The following HROB variants were observed in gnomAD, a reference collection of about 807,000 sequenced individuals.
HROB encodes homologous recombination OB-fold protein.
A neutral mutation model predicts 61.0 loss-of-function variants in HROB; 44 were observed. The observed-to-expected ratio is 0.72, with a 90% CI of 0.57 to 0.93. The LOEUF (loss-of-function observed/expected upper bound fraction) is 0.93. Ranked by LOEUF, HROB falls within the 40% of genes least tolerant of loss-of-function variation. The probability of loss-of-function intolerance (pLI) is 0.00; values close to 1 mark genes in which losing one functional copy is unlikely to be tolerated. For synonymous variants in HROB, 301 were observed against 310.4 expected (o/e 0.97, Z 0.32); for missense variants, 716 against 796.2 (o/e 0.90, Z 1.21).
intron 3 of HROB, among the ~76,000 whole-genome samples, chr17:44,149,298 GA>G: frequency 6.6e-6 from 1 of 151,648 alleles, no homozygotes; most frequent in Non-Finnish European, 1.5e-5. Flanking sequence ...ATCCAGGCTG[GA>G]GTGCAGTGGC....
At chr17:44,158,801 A>T (rs1172663974) in intron 9 of HROB, among the ~76,000 whole-genome samples, 1 of 152,032 alleles carries the variant, frequency 6.6e-6, no homozygotes, top group Non-Finnish European at 1.5e-5. Context: ...GCCCGCCACC[A>T]TGCCCAGCTA....
At chr17:44,160,343 G>A (rs1300647458) in intron 9 of HROB, among the ~76,000 whole-genome samples, 4 of 152,158 alleles carry the variant, frequency 2.6e-5, no homozygotes, top group Non-Finnish European at 5.9e-5. Context: ...CAAGGTGGGC[G>A]GATCACGAGG....
chr17:44,142,246 C>G, intron 1 of HROB, 101 bp downstream of exon 1: 1 of 1,350,478 alleles, frequency 7.4e-7, no homozygotes, highest in South Asian at 1.6e-5. Context: ...AGTTGCAGGA[C>G]CGGGGTCTGG....
chr17:44,148,449 G>A lies in HROB; in HGVS notation c.646G>A (p.Ala216Thr). 5.6e-6 allele frequency: 9 copies of A among 1,614,106 alleles called. No homozygotes were observed. The highest frequency in any genetic ancestry group is 2.2e-5 in the South Asian group (2 of 91,076). The stretch of plus-strand genomic sequence containing the variant: ...ATCTTGCCAGAAGGGGCCTGTGCCT[G>A]CCATCCACAAAGCGGGTATCATGTC... ...SGSCQKGPVP[A>T]IHKAGIMSAQ... The change falls in exon 3 of 10, where the codon GCC (alanine) becomes ACC (threonine). Residue 216 changes from alanine (A) to threonine (T), a missense_variant. Transcript: ENST00000585683.
Position 44,148,377 on chromosome 17 carries a change from G to A in HROB, c.574G>A (p.Glu192Lys). 1 of 1,614,136 alleles carries A rather than the reference G, an allele frequency of 6.2e-7. No homozygotes were observed. The highest frequency in any genetic ancestry group is 8.5e-7 in the Non-Finnish European group (1 of 1,179,988). The change falls in exon 3 of 10, where the codon GAG (glutamate) becomes AAG (lysine). Residue 192 changes from glutamate (E) to lysine (K), a missense_variant. Physicochemically the swap from Glu to Lys is moderately conservative, Grantham distance 56 (BLOSUM62 1). Transcript: ENST00000585683. ...ACCAATCCTGCCTGCCCAGCAGCGGGAGGGTTCAGTATTGGCTAAAAAAGC... is the reference window on the plus strand; with the variant it reads ...ACCAATCCTGCCTGCCCAGCAGCGGAAGGGTTCAGTATTGGCTAAAAAAGC... ...AIPILPAQQR[E>K]GSVLAKKARV...
chr17:44,152,708 G>T lies in HROB; in HGVS notation c.1380G>T (p.Thr460=). The T allele has an allele frequency of 1.9e-6, 3 of 1,614,166 alleles. No homozygotes were observed. Among genetic ancestry groups the T allele is most frequent in the Non-Finnish European group, 2.5e-6 (3 of 1,180,024 alleles). ...GGCCCTGGCTGACCATGAAATCCACGCTAGGCCTGGATGAGAGAGACCCTA... is the reference window on the plus strand; with the variant it reads ...GGCCCTGGCTGACCATGAAATCCACTCTAGGCCTGGATGAGAGAGACCCTA... ...GRGPWLTMKS[T]LGLDERDPSC... is the part of the protein sequence containing the mutation. Residue 460 remains threonine (T), a synonymous_variant, in exon 5 of 10, where the codon ACG becomes ACT. Transcript: ENST00000585683.
rs2053658606 is a variant in HROB at position 44,147,866 on chromosome 17, G to A, written c.63G>A (p.Leu21=). The change falls in exon 3 of 10, where the codon TTG becomes TTA. Residue 21 remains leucine (L), a synonymous_variant. Coordinates refer to ENST00000585683, the MANE Select transcript of HROB (RefSeq NM_001171251.3). ...VEEEFEDEDF[L]SAVEDAENRF... Reference sequence around the variant, plus strand: ...TCTCTGCTTCCTTGTAGGATTTCTTGTCTGCTGTGGAGGATGCAGAGAACC... The same window carrying A: ...TCTCTGCTTCCTTGTAGGATTTCTTATCTGCTGTGGAGGATGCAGAGAACC... 1 of 1,609,568 alleles carries A rather than the reference G, an allele frequency of 6.2e-7. No individual in the cohort carries two copies. The highest frequency in any genetic ancestry group is 1.3e-5 in the African/African-American group (1 of 74,912).
In HROB at chr17:44,154,561, C is replaced by T; in HGVS notation, c.1455C>T (p.Ala485=). 1 of 1,614,068 alleles carries T rather than the reference C, an allele frequency of 6.2e-7. No homozygotes were observed. Among genetic ancestry groups the T allele is most frequent in the Non-Finnish European group, 8.5e-7 (1 of 1,180,014 alleles). Residue 485 remains alanine (A), a synonymous_variant, in exon 6 of 10, where the codon GCC becomes GCT. Transcript: ENST00000585683. ...YSIVMVLRKA[A]LKQLPRNKVP... ...ATGCCTCTCCTTGTAAGCAGGCAGC[C>T]CTGAAGCAGCTTCCTAGGAACAAGG...
intron 9 of HROB, among the ~76,000 whole-genome samples, chr17:44,159,841 G>A (rs2054081347): frequency 6.6e-6 from 1 of 152,212 alleles, no homozygotes; most frequent in Non-Finnish European, 1.5e-5. Context: ...AGGTATACAG[G>A]CGGAACATGA....
intron 2 of HROB, among the ~76,000 whole-genome samples, chr17:44,147,431 T>G (rs372880678): frequency 1.4e-5 from 2 of 139,770 alleles, no homozygotes; most frequent in African/African-American, 5.8e-5. Context: ...CTTTTTCTTT[T>G]CTTTCTTTTT....
intron 5 of HROB, among the ~76,000 whole-genome samples, chr17:44,153,114 C>T (rs1463718343): frequency 1.3e-5 from 2 of 152,162 alleles, no homozygotes; most frequent in African/African-American, 4.8e-5. Flanking sequence ...ATATCCCTGC[C>T]TGTGACTGTT....
In HROB at chr17:44,154,857, G is replaced by C; in HGVS notation, c.1563G>C (p.Glu521Asp). ...TGGGCCATGTGGTATTTGCAGGAGAGATGCAGGGGACGGTGCACAGGTTGC... is the reference window on the plus strand; with the variant it reads ...TGGGCCATGTGGTATTTGCAGGAGACATGCAGGGGACGGTGCACAGGTTGC... ...ASVVFKDPTG[E>D]MQGTVHRLLL... is the part of the protein sequence containing the mutation. The change falls in exon 7 of 10, where the codon GAG (glutamate) becomes GAC (aspartate). Residue 521 changes from glutamate (E) to aspartate (D), a missense_variant. Physicochemically the swap from Glu to Asp is conservative, Grantham distance 45 (BLOSUM62 2). Transcript: ENST00000585683. 6.2e-7 allele frequency: 1 copy of C among 1,614,086 alleles called. No individual in the cohort carries two copies. Among genetic ancestry groups the C allele is most frequent in the Non-Finnish European group, 8.5e-7 (1 of 1,180,008 alleles).
chr17:44,150,519 A>G (rs1007308380), intron 3 of HROB, among the ~76,000 whole-genome samples: 2 of 151,704 alleles, frequency 1.3e-5, no homozygotes, highest in African/African-American at 4.8e-5. Flanking sequence ...CCTTCCAAGT[A>G]GCTGGCATTA....
In HROB at chr17:44,160,774, T is replaced by C. The variant is rs559823239; in HGVS notation, c.1880-1097T>C. Among the ~76,000 whole-genome samples the C allele has an allele frequency of 3.3e-5, 5 of 152,332 alleles. No individual in the cohort carries two copies. In the South Asian group the frequency reaches 1.0e-3, roughly 32 times the overall value. On this transcript the variant is annotated intron_variant, in intron 9 of 9. Coordinates refer to ENST00000585683, the MANE Select transcript of HROB (RefSeq NM_001171251.3). ...CCAATGGATAAACCACAAAGGCCAT[T>C]ATATCTTGTGAAAAAGCATATGTCT...
chr17:44,157,409 T>TC (rs1226032735), intron 8 of HROB, among the ~76,000 whole-genome samples: 2 of 106,944 alleles, frequency 1.9e-5, no homozygotes, highest in African/African-American at 7.3e-5. Context: ...ATGTTTCTTT[T>TC]TTTTTTTTTT....
chr17:44,158,726 A>G (rs900400635), intron 9 of HROB, among the ~76,000 whole-genome samples: 3 of 151,608 alleles, frequency 2.0e-5, no homozygotes, highest in Non-Finnish European at 4.4e-5. Context: ...GCTCACTGCA[A>G]GCTCCGCCTC....
At position 44,150,535 on chromosome 17, in the gene HROB, A is replaced by G. The variant is rs569427285; in HGVS notation, c.1225-426A>G. Among the ~76,000 whole-genome samples the G allele has an allele frequency of 2.3e-3, 347 of 152,154 alleles. 3 individuals carry two copies. Among genetic ancestry groups the G allele is most frequent in the African/African-American group, 7.7e-3 (319 of 41,534 alleles). On this transcript the variant is annotated intron_variant, in intron 3 of 9. Transcript: ENST00000585683. The stretch of plus-strand genomic sequence containing the variant: ...CTTCCAAGTAGCTGGCATTACAGGC[A>G]TGGGCCACCACGCCTGGCTAATTTT...
In HROB at chr17:44,148,907, C is replaced by T. The variant is rs2053708775; in HGVS notation, c.1104C>T (p.Val368=). The stretch of plus-strand genomic sequence containing the variant: ...AGGGAGCTCTGCAGACACCCATAGT[C>T]ACCAACCACCTGGTGCAGCTAGTCA... ...GPQGALQTPI[V]TNHLVQLVTA... The change falls in exon 3 of 10, where the codon GTC becomes GTT. Residue 368 remains valine (V), a synonymous_variant. Transcript: ENST00000585683. 6.2e-7 allele frequency: 1 copy of T among 1,614,150 alleles called. No homozygotes were observed. Among genetic ancestry groups the T allele is most frequent in the Admixed American group, 1.7e-5 (1 of 60,010 alleles).
intron 2 of HROB, among the ~76,000 whole-genome samples, chr17:44,145,592 G>T (rs2053587943): frequency 6.6e-6 from 1 of 152,200 alleles, no homozygotes; most frequent in South Asian, 2.1e-4. Flanking sequence ...GTAAGAGATA[G>T]CATAGTTACT....
Sources: gnomAD v4.1 joint callset for allele counts (sites outside exome capture counted in the v4.1 genomes callset) on GRCh38, gnomAD v4.1.1 for gene constraint, MANE v1.5 for transcripts, NCBI Gene and HGNC (gene_info 2026-07-23, HGNC 2026-07-21) for gene names.